The following ZMAT4 variants were observed in gnomAD, a reference collection of about 807,000 sequenced individuals.
The protein encoded by ZMAT4 is zinc finger matrin-type protein 4.
Under a neutral mutation model 28.7 loss-of-function variants are expected in ZMAT4, and 17 were observed. That is an observed-to-expected ratio of 0.59 (90% CI 0.41 to 0.89). The LOEUF is 0.89. Ranked by LOEUF, ZMAT4 falls within the 40% of genes least tolerant of loss-of-function variation. The pLI is 0.00. For missense variants in ZMAT4, 240 were observed against 283.8 expected (o/e 0.85, Z 1.11); for synonymous variants, 117 against 109.2 (o/e 1.07, Z -0.44).
chr8:40,860,364 G>T (rs1047753390), intron 1 of ZMAT4, among the ~76,000 whole-genome samples: 4 of 152,238 alleles, frequency 2.6e-5, no homozygotes, highest in Admixed American at 2.0e-4. Flanking sequence ...CTGTCCGCAG[G>T]ATTTACAGGC....
chr8:40,567,095 A>T (rs912254377), intron 6 of ZMAT4, among the ~76,000 whole-genome samples: 1 of 152,146 alleles, frequency 6.6e-6, no homozygotes, highest in African/African-American at 2.4e-5. Flanking sequence ...AGGAAGAGAA[A>T]AGACAGATAT....
intron 1 of ZMAT4, among the ~76,000 whole-genome samples, chr8:40,895,882 G>A (rs537496896): frequency 6.6e-6 from 1 of 152,156 alleles, no homozygotes; most frequent in Non-Finnish European, 1.5e-5. Flanking sequence ...TGGGGGTCAC[G>A]TGCCCTGGAG....
intron 5 of ZMAT4, among the ~76,000 whole-genome samples, chr8:40,646,935 C>T (rs57828513): frequency 0.017 from 2,542 of 152,252 alleles, 82 homozygotes; most frequent in African/African-American, 0.059. Context: ...TTCTCTAGGA[C>T]AAATCATATG....
chr8:40,746,832 T>C (rs1425366463), intron 3 of ZMAT4, among the ~76,000 whole-genome samples: 1 of 152,214 alleles, frequency 6.6e-6, no homozygotes, highest in African/African-American at 2.4e-5. Flanking sequence ...TTGCCTTCTT[T>C]CCGTTTCTCC....
At chr8:40,599,476 A>G (rs4736874) in intron 5 of ZMAT4, among the ~76,000 whole-genome samples, 56,159 of 152,050 alleles carry the variant, frequency 0.37, 10,766 homozygotes, top group East Asian at 0.6. Flanking sequence ...TATTTCCCAG[A>G]TAAAATTGGA....
At chr8:40,875,065 C>A (rs1817992372) in intron 1 of ZMAT4, among the ~76,000 whole-genome samples, 1 of 152,152 alleles carries the variant, frequency 6.6e-6, no homozygotes, top group South Asian at 2.1e-4. Flanking sequence ...AGGAACTGTC[C>A]AATATAACCC....
In ZMAT4 at chr8:40,532,047, A is replaced by G; in HGVS notation, c.*176T>C. On this transcript the variant is annotated 3_prime_UTR_variant, in exon 7 of 7. Coordinates refer to ENST00000297737, the MANE Select transcript of ZMAT4 (RefSeq NM_024645.3). ...TACCCCAAAATTAAAAAAAGGAAAA[A>G]GAAAAAAGAAACCTCATTCATTTCC... The G allele has an allele frequency of 2.1e-6, 1 of 487,728 alleles. No individual in the cohort carries two copies. Among genetic ancestry groups the G allele is most frequent in the Non-Finnish European group, 3.3e-6 (1 of 301,028 alleles). The allele number at this position is 487,728 out of a possible 1,614,324, so 30.2% of individuals were successfully genotyped here.
chr8:40,750,357 G>A (rs1305399469), intron 3 of ZMAT4, among the ~76,000 whole-genome samples: 1 of 152,092 alleles, frequency 6.6e-6, no homozygotes, highest in Non-Finnish European at 1.5e-5. Context: ...AAGCAGAATG[G>A]TCACAGGGGG....
intron 5 of ZMAT4, among the ~76,000 whole-genome samples, chr8:40,603,716 C>A (rs949390410): frequency 6.6e-6 from 1 of 152,116 alleles, no homozygotes; most frequent in Non-Finnish European, 1.5e-5. Context: ...GCTAGCTCCA[C>A]CTCCAGAGTT....
intron 4 of ZMAT4, among the ~76,000 whole-genome samples, chr8:40,678,471 A>T (rs187026806): frequency 6.6e-5 from 10 of 152,330 alleles, no homozygotes; most frequent in Admixed American, 4.6e-4. Flanking sequence ...GCTGACCTGT[A>T]CCAGGCTCTC....
intron 5 of ZMAT4, among the ~76,000 whole-genome samples, chr8:40,615,804 T>G (rs1253077419): frequency 6.6e-6 from 1 of 152,226 alleles, no homozygotes; most frequent in Non-Finnish European, 1.5e-5. Flanking sequence ...TTCTCTACAC[T>G]GATTATTCTA....
chr8:40,611,422 G>A (rs929328724), intron 5 of ZMAT4, among the ~76,000 whole-genome samples: 8 of 151,870 alleles, frequency 5.3e-5, no homozygotes, highest in African/African-American at 1.7e-4. Flanking sequence ...CTCACTGCAA[G>A]CTCCGCCTCC....
intron 5 of ZMAT4, among the ~76,000 whole-genome samples, chr8:40,649,056 T>C (rs980400200): frequency 2.0e-4 from 30 of 148,814 alleles, no homozygotes; most frequent in African/African-American, 7.4e-4. Flanking sequence ...AATGACAGGA[T>C]CAAATTCATA....
chr8:40,762,932 G>C (rs368983716), intron 3 of ZMAT4, among the ~76,000 whole-genome samples: 2 of 152,158 alleles, frequency 1.3e-5, no homozygotes. Context: ...CTCAAGAAAT[G>C]CCTCTGAGTT....
chr8:40,744,757 T>TC (rs1373041124), intron 3 of ZMAT4, among the ~76,000 whole-genome samples: 1 of 152,172 alleles, frequency 6.6e-6, no homozygotes, highest in Non-Finnish European at 1.5e-5. Context: ...AAGAGTAAAA[T>TC]GTTTTAGCTG....
chr8:40,792,974 A>G (rs2150580556), intron 2 of ZMAT4, among the ~76,000 whole-genome samples: 1 of 152,104 alleles, frequency 6.6e-6, no homozygotes, highest in African/African-American at 2.4e-5. Flanking sequence ...CAGAGCACAC[A>G]GGATTTTTCA....
At chr8:40,644,248 C>CA (rs1277023816) in intron 5 of ZMAT4, among the ~76,000 whole-genome samples, 8 of 152,078 alleles carry the variant, frequency 5.3e-5, no homozygotes, top group African/African-American at 1.7e-4. Context: ...AGCAACCTAG[C>CA]ACCCAAATGT....
intron 1 of ZMAT4, among the ~76,000 whole-genome samples, chr8:40,833,884 A>G (rs915889382): frequency 6.6e-6 from 1 of 152,158 alleles, no homozygotes; most frequent in Non-Finnish European, 1.5e-5. Flanking sequence ...CTGGCAGTCT[A>G]GGTAGCTTAC....
At chr8:40,671,384 G>A (rs1158620277) in intron 5 of ZMAT4, among the ~76,000 whole-genome samples, 3 of 152,242 alleles carry the variant, frequency 2.0e-5, no homozygotes, top group South Asian at 2.1e-4. Flanking sequence ...GTTCATGAAA[G>A]CTTTATCTAA....
Sources: allele counts gnomAD v4.1 joint callset (sites outside exome capture counted in the v4.1 genomes callset), GRCh38; gene constraint gnomAD v4.1.1; transcripts MANE v1.5; gene names NCBI Gene and HGNC (gene_info 2026-07-23, HGNC 2026-07-21).